The following NCALD variants were observed in gnomAD, a reference collection of about 807,000 sequenced individuals.
The protein encoded by NCALD is neurocalcin delta, also known as neurocalcin-delta.
Under a neutral mutation model 18.6 loss-of-function variants are expected in NCALD, and 10 were observed. The ratio of observed to expected loss-of-function variants is 0.54; its 90% CI spans 0.33 to 0.91. NCALD has a LOEUF of 0.91. Ranked by LOEUF, NCALD falls within the 40% of genes least tolerant of loss-of-function variation. NCALD has a pLI of 0.03. For missense variants in NCALD, 184 were observed against 247.6 expected (o/e 0.74, Z 1.72); for synonymous variants, 88 against 87.4 (o/e 1.01, Z -0.04).
chr8:102,087,692 C>A (rs55694001), intron 1 of NCALD, among the ~76,000 whole-genome samples: 1 of 152,216 alleles, frequency 6.6e-6, no homozygotes, highest in East Asian at 1.9e-4. Context: ...TCTTTGCTGA[C>A]GGCTATGGGT....
At chr8:101,969,645 C>A (rs1009086160) in intron 2 of NCALD, among the ~76,000 whole-genome samples, 8 of 152,132 alleles carry the variant, frequency 5.3e-5, no homozygotes, top group Non-Finnish European at 1.2e-4. Context: ...AAAAGACACA[C>A]CTCAGAAGGG....
chr8:101,792,175 A>AAAT (rs201288706), upstream of NCALD, among the ~76,000 whole-genome samples: 1,042 of 152,282 alleles, frequency 6.8e-3, 28 homozygotes, highest in Admixed American at 0.05. Flanking sequence ...TCTGTTTCTT[A>AAAT]AAATAAATAA....
chr8:101,979,402 TC>T (rs1450786175), intron 2 of NCALD, among the ~76,000 whole-genome samples: 21 of 152,172 alleles, frequency 1.4e-4, no homozygotes, highest in African/African-American at 4.8e-4. Context: ...AAGACAACGT[TC>T]CTACTCTTAG....
chr8:102,013,501 C>T (rs977559257), intron 2 of NCALD, among the ~76,000 whole-genome samples: 1 of 152,142 alleles, frequency 6.6e-6, no homozygotes, highest in Non-Finnish European at 1.5e-5. Flanking sequence ...TCCTCCTTTG[C>T]AGCTAAGGGT....
intron 2 of NCALD, among the ~76,000 whole-genome samples, chr8:102,003,743 C>A (rs1363691718): frequency 6.6e-6 from 1 of 152,156 alleles, no homozygotes; most frequent in Non-Finnish European, 1.5e-5. Flanking sequence ...TCAATAAATG[C>A]AATCCAGCAT....
At chr8:101,802,468 G>T (rs1812905882) in intron 4 of NCALD, among the ~76,000 whole-genome samples, 1 of 151,962 alleles carries the variant, frequency 6.6e-6, no homozygotes, top group African/African-American at 2.4e-5. Flanking sequence ...CGTGTTGAAA[G>T]CCAAGACAGG....
At chr8:101,758,473 C>T (rs1313093999) in intron 1 of NCALD, among the ~76,000 whole-genome samples, 1 of 152,198 alleles carries the variant, frequency 6.6e-6, no homozygotes, top group Non-Finnish European at 1.5e-5. Context: ...TATAACACTG[C>T]AGTATTTCCT....
At chr8:102,110,326 A>G (rs1199675474) in intron 1 of NCALD, among the ~76,000 whole-genome samples, 2 of 152,256 alleles carry the variant, frequency 1.3e-5, no homozygotes, top group South Asian at 2.1e-4. Context: ...ATATAATAAT[A>G]TAAAAAAGAA....
intron 4 of NCALD, among the ~76,000 whole-genome samples, chr8:101,855,663 A>G (rs1815286555): frequency 6.6e-6 from 1 of 152,192 alleles, no homozygotes; most frequent in Admixed American, 6.5e-5. Flanking sequence ...ACAGAGATGC[A>G]TCAGGGCCTC....
At chr8:101,717,601 T>G (rs773024361) in intron 2 of NCALD, among the ~76,000 whole-genome samples, 1 of 152,174 alleles carries the variant, frequency 6.6e-6, no homozygotes, top group African/African-American at 2.4e-5. Context: ...TTCTAAGAGA[T>G]ATTTAGAAAG....
At chr8:101,959,352 A>C (rs1360040371) in intron 2 of NCALD, among the ~76,000 whole-genome samples, 1 of 152,160 alleles carries the variant, frequency 6.6e-6, no homozygotes, top group Non-Finnish European at 1.5e-5. Context: ...TGCAGGTGGC[A>C]CAAAATTTCA....
chr8:101,939,534 G>T (rs1818879990), intron 2 of NCALD, among the ~76,000 whole-genome samples: 5 of 152,096 alleles, frequency 3.3e-5, no homozygotes, highest in Admixed American at 3.3e-4. Flanking sequence ...AAAGCTTTAA[G>T]TAGCTTAACT....
intron 3 of NCALD, among the ~76,000 whole-genome samples, chr8:101,912,295 T>C (rs1173590579): frequency 6.6e-6 from 1 of 150,978 alleles, no homozygotes; most frequent in East Asian, 2.0e-4. Context: ...AATTAAGTCA[T>C]GAAAAGTTGA....
intron 4 of NCALD, among the ~76,000 whole-genome samples, chr8:101,878,969 T>C (rs540459): frequency 0.26 from 39,826 of 152,184 alleles, 5,614 homozygotes; most frequent in East Asian, 0.38. Flanking sequence ...CCACTTAAAA[T>C]GTGGTCTACG....
In NCALD at chr8:102,091,510, C is replaced by T. The variant is rs146485947; in HGVS notation, c.-210+32727G>A. Among the ~76,000 whole-genome samples, 48 of 152,286 alleles carry T rather than the reference C, an allele frequency of 3.2e-4. No individual in the cohort carries two copies. The East Asian group carries it at 8.5e-3, about 27-fold the overall frequency. Reference sequence around the variant, plus strand: ...TCTGAATCAATATTCTAATTCTAGGCACATTGTAATCATCTAGCAACCCCA... The same window carrying T: ...TCTGAATCAATATTCTAATTCTAGGTACATTGTAATCATCTAGCAACCCCA... On this transcript the variant is annotated intron_variant, in intron 1 of 6. Transcript: ENST00000311028.
chr8:102,108,501 A>G (rs1485446771), intron 1 of NCALD, among the ~76,000 whole-genome samples: 3 of 152,214 alleles, frequency 2.0e-5, no homozygotes, highest in Non-Finnish European at 4.4e-5. Flanking sequence ...ACAGCACGCA[A>G]TGCACTCGTG....
At chr8:102,088,134 T>A (rs546896727) in intron 1 of NCALD, among the ~76,000 whole-genome samples, 1 of 152,294 alleles carries the variant, frequency 6.6e-6, no homozygotes, top group Non-Finnish European at 1.5e-5. Flanking sequence ...AGCCCTGCTT[T>A]CAAGATGGCC....
At chr8:101,731,093 G>T (rs1816810002) in intron 1 of NCALD, among the ~76,000 whole-genome samples, 1 of 152,072 alleles carries the variant, frequency 6.6e-6, no homozygotes, top group Admixed American at 6.5e-5. Context: ...GTGAGGCAGG[G>T]CACCATGGAG....
chr8:102,027,098 T>C (rs1199271946), intron 1 of NCALD, among the ~76,000 whole-genome samples: 1 of 152,210 alleles, frequency 6.6e-6, no homozygotes, highest in African/African-American at 2.4e-5. Flanking sequence ...CTCCTAGGCA[T>C]CCAGGCCTTT....
Sources: allele counts gnomAD v4.1 joint callset (sites outside exome capture counted in the v4.1 genomes callset), GRCh38; gene constraint gnomAD v4.1.1; transcripts MANE v1.5; gene names NCBI Gene and HGNC (gene_info 2026-07-23, HGNC 2026-07-21).